RB1: variants seen among roughly 807,000 people sequenced by gnomAD.
RB1 encodes the protein RB transcriptional corepressor 1.
A neutral mutation model predicts 135.4 loss-of-function variants in RB1; 18 were observed. That is an observed-to-expected ratio of 0.13 (90% CI 0.09 to 0.20). RB1 has a LOEUF of 0.20. RB1 is among the 10% of genes least tolerant of loss of function. The probability of loss-of-function intolerance (pLI) is 1.00; values close to 1 mark genes in which losing one functional copy is unlikely to be tolerated. For synonymous variants in RB1, 365 were observed against 373.2 expected (o/e 0.98, Z 0.25); for missense variants, 868 against 1,110.0 (o/e 0.78, Z 3.10).
At chr13:48,444,119 C>A (rs560699167) in intron 17 of RB1, among the ~76,000 whole-genome samples, 12 of 152,250 alleles carry the variant, frequency 7.9e-5, no homozygotes, top group African/African-American at 2.2e-4. Context: ...ACCTCATACC[C>A]CCAGACACCA....
intron 12 of RB1, among the ~76,000 whole-genome samples, chr13:48,374,434 C>T (rs1261136657): frequency 6.6e-6 from 1 of 152,146 alleles, no homozygotes; most frequent in African/African-American, 2.4e-5. Flanking sequence ...TACTTGTTAA[C>T]AATTCATTCA....
rs76558254 is a variant in RB1, at chr13:48,480,122, C to G, written c.*51C>G. Reference sequence around the variant, plus strand: ...GTGTACACCTCTGGATTCATTGTCTCTCACAGATGTGACTGTATAACTTTC... The same window carrying G: ...GTGTACACCTCTGGATTCATTGTCTGTCACAGATGTGACTGTATAACTTTC... On this transcript the variant is annotated 3_prime_UTR_variant, in exon 27 of 27. Coordinates refer to ENST00000267163, the MANE Select transcript of RB1 (RefSeq NM_000321.3). 4 of 1,454,478 alleles carry G rather than the reference C, an allele frequency of 2.8e-6. No individual in the cohort carries two copies. In the East Asian group the frequency reaches 9.3e-5, roughly 34 times the overall value. The allele number at this position is 1,454,478 out of a possible 1,614,324, so 90.1% of individuals were successfully genotyped here.
chr13:48,418,412 A>T (rs543884153), intron 17 of RB1, among the ~76,000 whole-genome samples: 3 of 152,340 alleles, frequency 2.0e-5, no homozygotes, highest in East Asian at 1.9e-4. Flanking sequence ...AATTGGTCCC[A>T]GCCACTGCAA....
intron 2 of RB1, among the ~76,000 whole-genome samples, chr13:48,330,063 T>C (rs1459102599): frequency 1.3e-5 from 2 of 151,486 alleles, no homozygotes; most frequent in Non-Finnish European, 2.9e-5. Context: ...AAATTAAACA[T>C]GTTCCTGAAC....
At chr13:48,408,544 C>A (rs1032561775) in intron 17 of RB1, 1 of 152,002 alleles carries the variant, frequency 6.6e-6, no homozygotes, top group Non-Finnish European at 1.5e-5. Flanking sequence ...AAAGTAAAAT[C>A]ATCAGAGTTC....
At chr13:48,441,082 T>G (rs1949232129) in intron 17 of RB1, among the ~76,000 whole-genome samples, 1 of 152,206 alleles carries the variant, frequency 6.6e-6, no homozygotes, top group Non-Finnish European at 1.5e-5. Flanking sequence ...TACCATAGAT[T>G]TGGTGGCTTA....
At position 48,476,859 on chromosome 13, in the gene RB1, G is replaced by T. The variant is rs757724700; in HGVS notation, c.2663+16G>T. ...CAGATGGAAGGTAGGAACCAGTTTT[G>T]AATGTTTTCCAGTAGCCGAGATGGT... On this transcript the variant is annotated intron_variant, in intron 25 of 26. Coordinates refer to ENST00000267163, the MANE Select transcript of RB1 (RefSeq NM_000321.3). 6.2e-7 allele frequency: 1 copy of T among 1,612,950 alleles called. No individual in the cohort carries two copies. The highest frequency in any genetic ancestry group is 1.1e-5 in the South Asian group (1 of 90,974).
intron 17 of RB1, among the ~76,000 whole-genome samples, chr13:48,419,982 C>G (rs1948980440): frequency 1.3e-5 from 2 of 152,150 alleles, no homozygotes; most frequent in African/African-American, 4.8e-5. Flanking sequence ...GGTACTATTC[C>G]TTCTGAAACT....
chr13:48,415,290 T>C (rs966469355), intron 17 of RB1, among the ~76,000 whole-genome samples: 7 of 151,940 alleles, frequency 4.6e-5, no homozygotes, highest in Admixed American at 4.6e-4. Flanking sequence ...TTTCTTTTTC[T>C]TTCTTTCTTT....
rs2100100326 is a variant in RB1 at position 48,433,915 on chromosome 13, G to T, written c.1696-19078G>T. 2.7e-5 allele frequency among the ~76,000 whole-genome samples: 4 copies of T among 150,942 alleles called. No individual in the cohort carries two copies. In the South Asian group the frequency reaches 8.4e-4, roughly 32 times the overall value. Reference sequence around the variant, plus strand: ...TACATATATACTTTTTTTCAGATAGGGTCTTGCTATGTTGCCCAGGCTGGT... The same window carrying T: ...TACATATATACTTTTTTTCAGATAGTGTCTTGCTATGTTGCCCAGGCTGGT... On this transcript the variant is annotated intron_variant, in intron 17 of 26. Coordinates refer to ENST00000267163, the MANE Select transcript of RB1 (RefSeq NM_000321.3).
rs753610938 is a variant in RB1 at position 48,456,399 on chromosome 13, T to G, written c.1960+50T>G. Reference sequence around the variant, plus strand: ...GCATGGACTCTGAAACTAGGCTGACTGGGTTCAAATCATGTTTCTTCTACT... The same window carrying G: ...GCATGGACTCTGAAACTAGGCTGACGGGGTTCAAATCATGTTTCTTCTACT... On this transcript the variant is annotated intron_variant, in intron 19 of 26. Coordinates refer to ENST00000267163, the MANE Select transcript of RB1 (RefSeq NM_000321.3). The G allele has an allele frequency of 2.5e-6, 4 of 1,600,638 alleles. No individual in the cohort carries two copies. The African/African-American group carries it at 5.4e-5, about 21-fold the overall frequency.
At chr13:48,378,544 T>G (rs1952851810) in intron 13 of RB1, among the ~76,000 whole-genome samples, 1 of 151,888 alleles carries the variant, frequency 6.6e-6, no homozygotes, top group African/African-American at 2.4e-5. Flanking sequence ...CTGGAATATC[T>G]CCTGAAGGAG....
intron 9 of RB1, among the ~76,000 whole-genome samples, chr13:48,366,529 G>C (rs190639167): frequency 5.9e-5 from 9 of 152,308 alleles, no homozygotes; most frequent in South Asian, 4.1e-4. Flanking sequence ...AGTCACAGTA[G>C]AAGGCATGCC....
chr13:48,453,771 T>A (rs918170651), intron 18 of RB1, among the ~76,000 whole-genome samples: 2 of 152,156 alleles, frequency 1.3e-5, no homozygotes, highest in Non-Finnish European at 2.9e-5. Context: ...GTAATCCACA[T>A]GTTGCAAGAG....
chr13:48,480,122 C>T lies in RB1; in HGVS notation c.*51C>T, dbSNP rs76558254. The T allele has an allele frequency of 1.4e-6, 2 of 1,454,596 alleles. No homozygotes were observed. Among genetic ancestry groups the T allele is most frequent in the Admixed American group, 1.7e-5 (1 of 59,350 alleles). The allele number at this position is 1,454,596 out of a possible 1,614,324, so 90.1% of individuals were successfully genotyped here. On this transcript the variant is annotated 3_prime_UTR_variant, in exon 27 of 27. Coordinates refer to ENST00000267163, the MANE Select transcript of RB1 (RefSeq NM_000321.3). ...GTGTACACCTCTGGATTCATTGTCT[C>T]TCACAGATGTGACTGTATAACTTTC...
intron 17 of RB1, chr13:48,412,425 G>C (rs981870922): frequency 6.2e-7 from 1 of 1,610,154 alleles, no homozygotes; most frequent in Non-Finnish European, 8.5e-7. Context: ...GCTTACCATC[G>C]TAAAGGCACG....
In RB1 at chr13:48,390,757, G is replaced by A. The variant is rs1283174191; in HGVS notation, c.1695+9314G>A. 5.9e-5 allele frequency among the ~76,000 whole-genome samples: 9 copies of A among 152,086 alleles called. No homozygotes were observed. In the East Asian group the frequency reaches 1.7e-3, roughly 29 times the overall value. The stretch of plus-strand genomic sequence containing the variant: ...ATTGTTTGCTCTGAAAACTACTTGT[G>A]CCTGATACTAGTGAAGCCATTCCAG... On this transcript the variant is annotated intron_variant, in intron 17 of 26. Coordinates refer to ENST00000267163, the MANE Select transcript of RB1 (RefSeq NM_000321.3).
intron 17 of RB1, among the ~76,000 whole-genome samples, chr13:48,447,430 G>T (rs773866550): frequency 1.8e-4 from 27 of 152,124 alleles, no homozygotes; most frequent in Non-Finnish European, 3.1e-4. Context: ...TGGGTGGATG[G>T]ATGGATAACT....
chr13:48,345,295 G>GT, intron 4 of RB1, 96 bp downstream of exon 4: 1 of 1,382,948 alleles, frequency 7.2e-7, no homozygotes, highest in Non-Finnish European at 1.0e-6. Context: ...AGTAAAGTTA[G>GT]TAAGTATTAA....
Sources: gnomAD v4.1 joint callset for allele counts (sites outside exome capture counted in the v4.1 genomes callset) on GRCh38, gnomAD v4.1.1 for gene constraint, MANE v1.5 for transcripts, NCBI Gene and HGNC (gene_info 2026-07-23, HGNC 2026-07-21) for gene names.